SDR9C7: variants seen among roughly 807,000 people sequenced by gnomAD.
SDR9C7 encodes short chain dehydrogenase/reductase family 9C member 7.
In SDR9C7, 11 loss-of-function variants were observed where a neutral mutation model predicts 23.6. That is an observed-to-expected ratio of 0.47 (90% CI 0.29 to 0.77). The LOEUF (loss-of-function observed/expected upper bound fraction) is 0.77. Ranked by LOEUF, SDR9C7 falls within the 30% of genes least tolerant of loss-of-function variation. The pLI, the probability that SDR9C7 is intolerant of heterozygous loss-of-function variation, is 0.09. For synonymous variants in SDR9C7, 167 were observed against 157.3 expected (o/e 1.06, Z -0.46); for missense variants, 387 against 407.1 (o/e 0.95, Z 0.42).
chr12:56,925,816 G>T, intron 3 of SDR9C7, among the ~76,000 whole-genome samples: 1 of 152,194 alleles, frequency 6.6e-6, no homozygotes, highest in East Asian at 1.9e-4. Context: ...GCCAGGGAAA[G>T]CTTTGTGGGC....
chr12:56,931,141 G>A (rs1347472214), intron 1 of SDR9C7, among the ~76,000 whole-genome samples: 1 of 152,060 alleles, frequency 6.6e-6, no homozygotes, highest in African/African-American at 2.4e-5. Context: ...AGGCTGAGGT[G>A]GGAGAATCAC....
intron 1 of SDR9C7, among the ~76,000 whole-genome samples, chr12:56,933,225 T>C (rs1955778102): frequency 6.6e-6 from 1 of 152,328 alleles, no homozygotes; most frequent in South Asian, 2.1e-4. Flanking sequence ...GGAGACAAAC[T>C]GCACCCACTC....
At chr12:56,924,670 C>T (rs183538788) in intron 3 of SDR9C7, among the ~76,000 whole-genome samples, 210 of 152,278 alleles carry the variant, frequency 1.4e-3, no homozygotes, top group African/African-American at 4.8e-3. Context: ...CCTGTAATCC[C>T]AGTACTTTGG....
At chr12:56,927,370 A>C (rs1457374887) in intron 3 of SDR9C7, among the ~76,000 whole-genome samples, 1 of 152,200 alleles carries the variant, frequency 6.6e-6, no homozygotes, top group Non-Finnish European at 1.5e-5. Flanking sequence ...GCAGCTCCAC[A>C]AATAATTTGA....
At position 56,923,923 on chromosome 12, in the gene SDR9C7, T is replaced by C. The variant is rs1161989050; in HGVS notation, c.852A>G (p.Lys284=). The change falls in exon 4 of 4, where the codon AAA becomes AAG. Residue 284 remains lysine, a synonymous_variant. Transcript: ENST00000293502. ...ACTTAGCCAGAGGGATGTAGAGGAG[T>C]TTGGCATCCAGGCCAGGGTTGTAGC... ...RIRYNPGLDA[K]LLYIPLAKLP... is the part of the protein sequence containing the mutation. The C allele has an allele frequency of 6.2e-7, 1 of 1,613,974 alleles. No homozygotes were observed. Among genetic ancestry groups the C allele is most frequent in the Non-Finnish European group, 8.5e-7 (1 of 1,179,962 alleles).
chr12:56,932,069 G>A (rs1955771628), intron 1 of SDR9C7, among the ~76,000 whole-genome samples: 1 of 152,112 alleles, frequency 6.6e-6, no homozygotes, highest in East Asian at 1.9e-4. Context: ...GCAAAATAAT[G>A]GTCCCCCAAA....
intron 1 of SDR9C7, among the ~76,000 whole-genome samples, chr12:56,931,491 T>C (rs1345159111): frequency 6.6e-6 from 1 of 152,122 alleles, no homozygotes; most frequent in Non-Finnish European, 1.5e-5. Flanking sequence ...ATGCTAAGTG[T>C]TGTCATTCAA....
At chr12:56,928,618 CAAAACAAAAACAA>C (rs1955748939) in intron 3 of SDR9C7, among the ~76,000 whole-genome samples, 1 of 152,038 alleles carries the variant, frequency 6.6e-6, no homozygotes, top group Non-Finnish European at 1.5e-5. Context: ...ATTACTGATT[CAAAACAAAAACAA>C]AAAACAAAAA....
chr12:56,924,018 C>T lies in SDR9C7; in HGVS notation c.757G>A (p.Ala253Thr), dbSNP rs1592421073. ...ATGACATCTCTGACTCTGGGCTCTG[C>T]CACCTGCATTATGTTTTTTAACTTG... Reference protein sequence around the residue: ...TDKLKNIMQVAEPRVRDVINS... With the variant: ...TDKLKNIMQVTEPRVRDVINS... Residue 253 changes from alanine to threonine, a missense_variant, in exon 4 of 4, where the codon GCA (alanine) becomes ACA (threonine). Ala to Thr is a moderately conservative substitution (Grantham distance 58, BLOSUM62 0). Transcript: ENST00000293502. 1.9e-6 allele frequency: 3 copies of T among 1,613,618 alleles called. No homozygotes were observed. Among genetic ancestry groups the T allele is most frequent in the Non-Finnish European group, 2.5e-6 (3 of 1,179,726 alleles).
chr12:56,925,800 C>T (rs918354268), intron 3 of SDR9C7, among the ~76,000 whole-genome samples: 2 of 152,194 alleles, frequency 1.3e-5, no homozygotes, highest in Non-Finnish European at 2.9e-5. Context: ...TCTCTGCCCC[C>T]TCGGCGCCAG....
At chr12:56,924,722 A>T (rs1424737224) in intron 3 of SDR9C7, among the ~76,000 whole-genome samples, 2 of 151,688 alleles carry the variant, frequency 1.3e-5, no homozygotes, top group Admixed American at 1.3e-4. Context: ...GGAGTTTGAG[A>T]CCAGCCTGGC....
In SDR9C7 at chr12:56,929,553, C is replaced by T. The variant is rs931319401; in HGVS notation, c.561G>A (p.Arg187=). 6.3e-7 allele frequency: 1 copy of T among 1,596,464 alleles called. No individual in the cohort carries two copies. Among genetic ancestry groups the T allele is most frequent in the Non-Finnish European group, 8.6e-7 (1 of 1,164,994 alleles). Residue 187 remains arginine (R), a splice_region_variant and synonymous_variant, in exon 3 of 4, where the codon AGG becomes AGA. Coordinates refer to ENST00000293502, the MANE Select transcript of SDR9C7 (RefSeq NM_148897.3). ...FGVEAFSDSI[R]RELYYFGVKV... ...TCACCCCAAAGTAGTAGAGCTCACG[C>T]CTGGGAAAGAAGAGTTGCAGTCAGT...
chr12:56,924,136 A>G (rs1592421146), intron 3 of SDR9C7, 86 bp from the exon 4 acceptor site: 2 of 907,634 alleles, frequency 2.2e-6, no homozygotes, highest in East Asian at 2.5e-5. Flanking sequence ...TTCCCTTTCC[A>G]TCAGATCCCT....
intron 1 of SDR9C7, 44 bp downstream of exon 1, chr12:56,933,917 A>G: frequency 1.3e-6 from 2 of 1,564,732 alleles, no homozygotes; most frequent in South Asian, 1.2e-5. Flanking sequence ...GAGGAAGAGG[A>G]AGAAGGAGAA....
rs761916213 is a variant in SDR9C7, at chr12:56,924,033, T to G, written c.742A>C (p.Asn248His). 6.2e-7 allele frequency: 1 copy of G among 1,612,496 alleles called. No homozygotes were observed. The highest frequency in any genetic ancestry group is 2.2e-5 in the East Asian group (1 of 44,846). Residue 248 changes from asparagine (N) to histidine (H), a missense_variant, in exon 4 of 4, where the codon AAC becomes CAC. Transcript: ENST00000293502. ...YFRIYTDKLK[N>H]IMQVAEPRVR... The stretch of plus-strand genomic sequence containing the variant: ...CTGGGCTCTGCCACCTGCATTATGT[T>G]TTTTAACTTGTCAGTATCTGTTTGA...
At chr12:56,927,740 G>A (rs1472544034) in intron 3 of SDR9C7, among the ~76,000 whole-genome samples, 1 of 152,252 alleles carries the variant, frequency 6.6e-6, no homozygotes, top group African/African-American at 2.4e-5. Context: ...AGAGGCTGCA[G>A]CAATGTGGCT....
In SDR9C7 at chr12:56,929,511, C is replaced by A. The variant is rs1955754203; in HGVS notation, c.603G>T (p.Glu201Asp). 1 of 1,612,704 alleles carries A rather than the reference C, an allele frequency of 6.2e-7. No individual in the cohort carries two copies. Among genetic ancestry groups the A allele is most frequent in the African/African-American group, 1.3e-5 (1 of 75,010 alleles). The stretch of plus-strand genomic sequence containing the variant: ...GAATGGCTGTCCGATAGTTCCCTGG[C>A]TCAATGATGCAGACTTTCACCCCAA... The part of the protein sequence containing the change: ...YYFGVKVCII[E>D]PGNYRTAILG... The change falls in exon 3 of 4, where the codon GAG becomes GAT. Residue 201 changes from glutamate to aspartate, a missense_variant. Physicochemically the swap from Glu to Asp is conservative, Grantham distance 45. Transcript: ENST00000293502.
intron 2 of SDR9C7, among the ~76,000 whole-genome samples, 172 bp downstream of exon 2, chr12:56,930,054 T>C (rs1191768325): frequency 6.7e-6 from 1 of 148,710 alleles, no homozygotes; most frequent in Admixed American, 6.6e-5. Flanking sequence ...CTACCTCTTC[T>C]CCTCATCCCT....
chr12:56,930,554 G>A (rs1009315311), intron 1 of SDR9C7, 70 bp from the exon 2 acceptor site: 61 of 1,544,126 alleles, frequency 4.0e-5, no homozygotes, highest in Non-Finnish European at 5.0e-5. Flanking sequence ...GCTCCCCACC[G>A]GCTCAGTGCC....
Sources: allele counts gnomAD v4.1 joint callset (sites outside exome capture counted in the v4.1 genomes callset), GRCh38; gene constraint gnomAD v4.1.1; transcripts MANE v1.5; gene names NCBI Gene and HGNC (gene_info 2026-07-23, HGNC 2026-07-21).